SELENOF: variants seen among roughly 807,000 people sequenced by gnomAD.
SELENOF encodes the protein 15 kDa selenoprotein.
Under a neutral mutation model 20.5 loss-of-function variants are expected in SELENOF, and 16 were observed. The observed-to-expected ratio is 0.78, with a 90% confidence interval of 0.53 to 1.19. SELENOF has a LOEUF of 1.19. SELENOF is among the 50% of genes most tolerant of loss of function. The pLI, the probability that SELENOF is intolerant of heterozygous loss-of-function variation, is 0.00. For synonymous variants in SELENOF, 78 were observed against 74.5 expected (o/e 1.05, Z -0.24); for missense variants, 215 against 194.2 (o/e 1.11, Z -0.64).
intron 4 of SELENOF, among the ~76,000 whole-genome samples, chr1:86,866,106 G>A (rs905082188): frequency 6.6e-6 from 1 of 150,970 alleles, no homozygotes; most frequent in African/African-American, 2.4e-5. Flanking sequence ...CTGAGGTGGC[G>A]GGATTGCTTG....
intron 1 of SELENOF, among the ~76,000 whole-genome samples, chr1:86,911,476 T>C (rs1659979495): frequency 6.6e-6 from 1 of 152,200 alleles, no homozygotes; most frequent in African/African-American, 2.4e-5. Flanking sequence ...GACAAACAAG[T>C]GCCTCCTTAA....
At chr1:86,884,666 G>T (rs548741412) in intron 2 of SELENOF, among the ~76,000 whole-genome samples, 1 of 152,200 alleles carries the variant, frequency 6.6e-6, no homozygotes, top group South Asian at 2.1e-4. Context: ...TTTTTAAAGT[G>T]ACTAGCATAC....
intron 3 of SELENOF, among the ~76,000 whole-genome samples, chr1:86,877,659 T>G (rs559376961): frequency 1.3e-5 from 2 of 152,206 alleles, no homozygotes; most frequent in African/African-American, 2.4e-5. Flanking sequence ...GCTCAATTTG[T>G]ACTACATTAT....
intron 1 of SELENOF, among the ~76,000 whole-genome samples, chr1:86,908,387 C>G (rs80054232): frequency 0.011 from 1,704 of 152,268 alleles, 32 homozygotes; most frequent in African/African-American, 0.039. Flanking sequence ...CATTATTATT[C>G]CATCTAATCT....
chr1:86,912,623 T>G (rs1660012987), intron 1 of SELENOF, among the ~76,000 whole-genome samples: 1 of 152,126 alleles, frequency 6.6e-6, no homozygotes, highest in South Asian at 2.1e-4. Context: ...GAGAGTGCCA[T>G]GAAAAGAAGT....
intron 2 of SELENOF, among the ~76,000 whole-genome samples, chr1:86,884,437 T>C (rs1159228762): frequency 6.6e-6 from 1 of 152,056 alleles, no homozygotes; most frequent in Non-Finnish European, 1.5e-5. Context: ...TGGTGTTCAC[T>C]GGAAAATATT....
intron 4 of SELENOF, among the ~76,000 whole-genome samples, chr1:86,867,201 T>C (rs1056079553): frequency 3.3e-5 from 5 of 151,982 alleles, no homozygotes; most frequent in Non-Finnish European, 7.4e-5. Context: ...AAAAAATCAG[T>C]GGTGGCCAGG....
intron 3 of SELENOF, among the ~76,000 whole-genome samples, chr1:86,871,952 T>C (rs1225909441): frequency 2.0e-5 from 3 of 152,178 alleles, no homozygotes; most frequent in Non-Finnish European, 4.4e-5. Context: ...AAAGAGACTT[T>C]TTTTTTTCTT....
At chr1:86,872,479 C>A (rs1658800832) in intron 3 of SELENOF, among the ~76,000 whole-genome samples, 2 of 152,136 alleles carry the variant, frequency 1.3e-5, no homozygotes, top group Non-Finnish European at 2.9e-5. Flanking sequence ...GGCGATTCTC[C>A]TGCCTCAGCC....
At chr1:86,873,402 A>AT (rs1277025767) in intron 3 of SELENOF, among the ~76,000 whole-genome samples, 4 of 152,362 alleles carry the variant, frequency 2.6e-5, no homozygotes, top group Admixed American at 6.5e-5. Context: ...CATATGATCA[A>AT]TTTTACCATC....
At chr1:86,869,730 TCTTTC>T (rs1309333565) in intron 3 of SELENOF, among the ~76,000 whole-genome samples, 1 of 151,870 alleles carries the variant, frequency 6.6e-6, no homozygotes, top group Non-Finnish European at 1.5e-5. Flanking sequence ...CTTCCTTCTT[TCTTTC>T]TTTTCTTTTC....
At chr1:86,891,704 TTC>T (rs1254319053) in intron 2 of SELENOF, among the ~76,000 whole-genome samples, 1 of 152,172 alleles carries the variant, frequency 6.6e-6, no homozygotes, top group Non-Finnish European at 1.5e-5. Context: ...AAACTTAAAA[TTC>T]TGTTATACAA....
intron 3 of SELENOF, among the ~76,000 whole-genome samples, chr1:86,877,469 T>G (rs1658951680): frequency 6.6e-6 from 1 of 152,204 alleles, no homozygotes; most frequent in Admixed American, 6.5e-5. Context: ...TTTTTTGGAT[T>G]TGGAAATACT....
chr1:86,898,542 G>C (rs924346821), intron 2 of SELENOF, among the ~76,000 whole-genome samples: 3 of 150,456 alleles, frequency 2.0e-5, no homozygotes, highest in Non-Finnish European at 4.4e-5. Flanking sequence ...TGTACAAATA[G>C]CTAAAGCATT....
chr1:86,870,622 TA>T (rs1382184143), intron 3 of SELENOF, among the ~76,000 whole-genome samples: 2 of 129,356 alleles, frequency 1.5e-5, no homozygotes, highest in South Asian at 2.2e-4. Flanking sequence ...CTTATTAAAA[TA>T]TTTTTTTTTT....
At chr1:86,906,986 A>T (rs563218358) in intron 1 of SELENOF, among the ~76,000 whole-genome samples, 14 of 152,340 alleles carry the variant, frequency 9.2e-5, no homozygotes, top group African/African-American at 3.4e-4. Flanking sequence ...ACAAAATAAG[A>T]ACCTCAAATG....
rs1346703009 is a variant in SELENOF at position 86,900,189 on chromosome 1, G to A, written c.252+3092C>T. 9.9e-5 allele frequency among the ~76,000 whole-genome samples: 15 copies of A among 151,738 alleles called. No homozygotes were observed. The South Asian group carries it at 1.7e-3, about 17-fold the overall frequency. On this transcript the variant is annotated intron_variant, in intron 2 of 4. Transcript: ENST00000331835. ...CTCCTCACTTCCTAGACGGGGTGGC[G>A]GCTGGGCAGAGGCTGCACTCTGGGC... is the stretch of plus-strand genomic sequence containing the variant.
intron 2 of SELENOF, among the ~76,000 whole-genome samples, chr1:86,899,666 G>A (rs1219555213): frequency 6.6e-6 from 1 of 151,158 alleles, no homozygotes; most frequent in Non-Finnish European, 1.5e-5. Flanking sequence ...CCTCCCGGAT[G>A]GGGCGGCTGG....
chr1:86,890,966 C>T (rs373398755), intron 2 of SELENOF, among the ~76,000 whole-genome samples: 7 of 151,770 alleles, frequency 4.6e-5, no homozygotes, highest in African/African-American at 7.3e-5. Context: ...TGGTTACCTT[C>T]GTAACATTAG....
Sources: allele counts gnomAD v4.1 joint callset (sites outside exome capture counted in the v4.1 genomes callset), GRCh38; gene constraint gnomAD v4.1.1; transcripts MANE v1.5; gene names NCBI Gene and HGNC (gene_info 2026-07-23, HGNC 2026-07-21).